FHIT: variants seen among roughly 807,000 people sequenced by gnomAD.
The protein encoded by FHIT is bis(5'-adenosyl)-triphosphatase.
Under a neutral mutation model 17.9 loss-of-function variants are expected in FHIT, and 19 were observed. The observed-to-expected ratio is 1.06, with a 90% CI of 0.74 to 1.56. The LOEUF is 1.56. Among genes scored for constraint, FHIT ranks in the 40% most tolerant of loss-of-function variants. The probability of loss-of-function intolerance (pLI) is 0.00; values close to 1 mark genes in which losing one functional copy is unlikely to be tolerated. For missense variants in FHIT, 248 were observed against 189.2 expected, an observed-to-expected ratio of 1.31 and a Z score of -1.82; for synonymous variants, 81 against 69.7, an observed-to-expected ratio of 1.16 and a Z score of -0.81.
chr3:60,272,091 C>A (rs749133848), intron 5 of FHIT, among the ~76,000 whole-genome samples: 3 of 152,188 alleles, frequency 2.0e-5, no homozygotes, highest in Non-Finnish European at 4.4e-5. Flanking sequence ...TGCAGTACTG[C>A]CTCCCGTATT....
chr3:59,904,969 C>T (rs2107104092), intron 8 of FHIT, among the ~76,000 whole-genome samples: 1 of 152,308 alleles, frequency 6.6e-6, no homozygotes, highest in East Asian at 1.9e-4. Flanking sequence ...ATATGTAAAA[C>T]AGGTGAAGGG....
chr3:60,500,771 TAAAA>T (rs71092606), intron 5 of FHIT, among the ~76,000 whole-genome samples: 750 of 64,844 alleles, frequency 0.012, 12 homozygotes, highest in African/African-American at 0.043. Context: ...AGCATCCATC[TAAAA>T]AAAAAAAAAA....
chr3:60,221,216 T>C (rs1703942219), intron 5 of FHIT, among the ~76,000 whole-genome samples: 1 of 152,170 alleles, frequency 6.6e-6, no homozygotes, highest in Non-Finnish European at 1.5e-5. Context: ...TCTTCCTTTT[T>C]CATCAACTAA....
chr3:59,991,457 G>C (rs1331576381), intron 7 of FHIT, among the ~76,000 whole-genome samples: 1 of 151,984 alleles, frequency 6.6e-6, no homozygotes, highest in African/African-American at 2.4e-5. Context: ...TTAGCCAGTG[G>C]GGTCTTGTAT....
At chr3:60,096,352 G>C (rs1018812068) in intron 5 of FHIT, among the ~76,000 whole-genome samples, 6 of 152,208 alleles carry the variant, frequency 3.9e-5, no homozygotes, top group African/African-American at 9.6e-5. Context: ...TATAGGCTCA[G>C]AATAGGGGAG....
chr3:60,537,421 A>G (rs185874786), intron 4 of FHIT: 134 of 956,898 alleles, frequency 1.4e-4, no homozygotes, highest in African/African-American at 2.6e-4. Context: ...TTGTGTTCAT[A>G]TAATAGCAAT....
chr3:60,164,505 T>C (rs1208702480), intron 5 of FHIT, among the ~76,000 whole-genome samples: 1 of 152,106 alleles, frequency 6.6e-6, no homozygotes. Flanking sequence ...AACTGACAAG[T>C]TTATTAAGAC....
At chr3:60,672,080 T>G (rs190161279) in intron 4 of FHIT, among the ~76,000 whole-genome samples, 1 of 152,264 alleles carries the variant, frequency 6.6e-6, no homozygotes, top group African/African-American at 2.4e-5. Context: ...CACATTGGCT[T>G]TCTAAAAATT....
chr3:60,173,622 G>A (rs1273342661), intron 5 of FHIT, among the ~76,000 whole-genome samples: 6 of 151,814 alleles, frequency 4.0e-5, no homozygotes, highest in African/African-American at 1.2e-4. Flanking sequence ...GTGAGGCCTA[G>A]GCAGGAGTGG....
intron 6 of FHIT, among the ~76,000 whole-genome samples, chr3:60,013,659 C>T (rs914053320): frequency 5.3e-5 from 8 of 152,166 alleles, no homozygotes; most frequent in African/African-American, 1.9e-4. Flanking sequence ...TAGAGCAGGG[C>T]TTAGTCTATG....
intron 2 of FHIT, among the ~76,000 whole-genome samples, chr3:61,140,000 CA>C (rs2037030996): frequency 6.9e-6 from 1 of 145,908 alleles, no homozygotes; most frequent in South Asian, 2.2e-4. Flanking sequence ...CGACTTTTAA[CA>C]GCTGTCCATG....
At position 60,020,034 on chromosome 3, in the gene FHIT, C is replaced by T. The variant is rs1010655671; in HGVS notation, c.104-5882G>A. On this transcript the variant is annotated intron_variant, in intron 5 of 9. Transcript: ENST00000492590. ...GTCAACACCAGTGAGAATGGGCACG[C>T]GACATGAGATGCATGTGCCATTTCT... 3.1e-4 allele frequency among the ~76,000 whole-genome samples: 47 copies of T among 152,258 alleles called. 1 individual carries two copies. The highest frequency in any genetic ancestry group is 1.8e-3 in the Admixed American group (28 of 15,306).
At chr3:60,732,632 A>T in intron 4 of FHIT, 1 of 474,318 alleles carries the variant, frequency 2.1e-6, no homozygotes. Flanking sequence ...GGTGGGGTTG[A>T]CCATGGCTGA....
intron 7 of FHIT, among the ~76,000 whole-genome samples, chr3:60,009,165 ATGTGTG>A (rs753809976): frequency 0.053 from 2,817 of 53,430 alleles, 41 homozygotes; most frequent in Middle Eastern, 0.1. Context: ...CTGGGATTTT[ATGTGTG>A]TGTGTGTGTG....
At chr3:61,069,401 TG>T (rs916613998) in intron 2 of FHIT, among the ~76,000 whole-genome samples, 7 of 152,218 alleles carry the variant, frequency 4.6e-5, no homozygotes, top group African/African-American at 1.7e-4. Flanking sequence ...GCAATTGCTC[TG>T]GGGCATGTCT....
At chr3:59,757,984 G>T (rs1701306125) in intron 8 of FHIT, among the ~76,000 whole-genome samples, 3 of 152,086 alleles carry the variant, frequency 2.0e-5, no homozygotes, top group African/African-American at 7.2e-5. Context: ...TGCCTCCTCA[G>T]GTTCACCATG....
chr3:60,254,004 C>T (rs1553724296), intron 5 of FHIT, among the ~76,000 whole-genome samples: 57 of 152,102 alleles, frequency 3.7e-4, no homozygotes, highest in Non-Finnish European at 2.9e-5. Context: ...CAAGTTAGTA[C>T]GATGAATACC....
intron 8 of FHIT, among the ~76,000 whole-genome samples, chr3:59,795,002 T>A (rs1295767067): frequency 6.6e-6 from 1 of 151,904 alleles, no homozygotes; most frequent in East Asian, 1.9e-4. Flanking sequence ...TAATGGAACT[T>A]ACTTACTTAC....
intron 3 of FHIT, among the ~76,000 whole-genome samples, chr3:60,979,265 C>T: frequency 6.6e-6 from 1 of 152,118 alleles, no homozygotes; most frequent in Non-Finnish European, 1.5e-5. Flanking sequence ...AAAAGTGTCC[C>T]TTCATTCCCA....
Sources: gnomAD v4.1 joint callset for allele counts (sites outside exome capture counted in the v4.1 genomes callset) on GRCh38, gnomAD v4.1.1 for gene constraint, MANE v1.5 for transcripts, NCBI Gene and HGNC (gene_info 2026-07-23, HGNC 2026-07-21) for gene names.